The following NRXN3 variants were observed in gnomAD, a reference collection of about 807,000 sequenced individuals.
NRXN3 encodes neurexin 3, also known as neurexin III.
Under a neutral mutation model 137.6 loss-of-function variants are expected in NRXN3, and 32 were observed. That is an observed-to-expected ratio of 0.23 (90% confidence interval 0.18 to 0.31). The LOEUF (loss-of-function observed/expected upper bound fraction) is 0.31. Ranked by LOEUF, NRXN3 falls within the 10% of genes least tolerant of loss-of-function variation. The pLI is 1.00. For synonymous variants in NRXN3, 798 were observed against 784.5 expected (o/e 1.02, Z -0.29); for missense variants, 1,574 against 2,062.5 (o/e 0.76, Z 4.59).
chr14:79,782,203 A>G (rs1308823423), intron 19 of NRXN3, among the ~76,000 whole-genome samples: 3 of 152,218 alleles, frequency 2.0e-5, no homozygotes, highest in East Asian at 1.9e-4. Context: ...CAGGTTGACT[A>G]ATATTTAGAA....
At chr14:79,599,694 A>G (rs1171790297) in intron 16 of NRXN3, among the ~76,000 whole-genome samples, 1 of 152,184 alleles carries the variant, frequency 6.6e-6, no homozygotes, top group African/African-American at 2.4e-5. Context: ...GGTTGACTCT[A>G]ACAATAATTA....
intron 8 of NRXN3, among the ~76,000 whole-genome samples, chr14:78,723,794 ATTT>A (rs4016660): frequency 0.24 from 36,057 of 151,920 alleles, 4,617 homozygotes; most frequent in Middle Eastern, 0.37. Flanking sequence ...TTTTTACTCC[ATTT>A]TTTTTTTTCT....
chr14:78,634,165 C>T (rs2097547179), intron 4 of NRXN3, among the ~76,000 whole-genome samples: 6 of 152,352 alleles, frequency 3.9e-5, no homozygotes, highest in Middle Eastern at 3.4e-3. Flanking sequence ...AACAGATTAA[C>T]GTGTCTTCCA....
At chr14:79,850,976 G>A (rs538870231) in intron 20 of NRXN3, among the ~76,000 whole-genome samples, 5 of 152,106 alleles carry the variant, frequency 3.3e-5, no homozygotes, top group Non-Finnish European at 5.9e-5. Context: ...CTAAATTTTC[G>A]TATATTCAAT....
chr14:79,103,493 C>T (rs770622627), intron 15 of NRXN3, among the ~76,000 whole-genome samples: 4 of 152,012 alleles, frequency 2.6e-5, no homozygotes, highest in South Asian at 2.1e-4. Context: ...AAGTTTTAAG[C>T]GCCTGGTAGA....
At chr14:78,907,194 T>C (rs116587974) in intron 10 of NRXN3, among the ~76,000 whole-genome samples, 2,125 of 152,180 alleles carry the variant, frequency 0.014, 47 homozygotes, top group African/African-American at 0.048. Flanking sequence ...TTCTTACTTA[T>C]CATTATAGTC....
intron 15 of NRXN3, among the ~76,000 whole-genome samples, chr14:79,196,697 T>C (rs2065182271): frequency 6.6e-6 from 1 of 152,154 alleles, no homozygotes. Flanking sequence ...TTTAGTATAT[T>C]AGTTGGGTCT....
chr14:79,743,236 G>A (rs1168158286), intron 19 of NRXN3, among the ~76,000 whole-genome samples: 1 of 152,128 alleles, frequency 6.6e-6, no homozygotes, highest in African/African-American at 2.4e-5. Context: ...CATGCTAGAG[G>A]CCTGGCTCTG....
intron 19 of NRXN3, among the ~76,000 whole-genome samples, chr14:79,779,589 C>T (rs915914630): frequency 6.6e-6 from 1 of 152,158 alleles, no homozygotes; most frequent in African/African-American, 2.4e-5. Flanking sequence ...CACTGTAGCA[C>T]ATGATCAAAA....
At chr14:78,958,065 C>T (rs577004747) in intron 11 of NRXN3, among the ~76,000 whole-genome samples, 2 of 152,116 alleles carry the variant, frequency 1.3e-5, no homozygotes, top group African/African-American at 2.4e-5. Flanking sequence ...AAAATGGAAA[C>T]AGATGAGATT....
chr14:79,729,845 G>A (rs1417622661), intron 19 of NRXN3, among the ~76,000 whole-genome samples: 2 of 152,152 alleles, frequency 1.3e-5, no homozygotes, highest in African/African-American at 4.8e-5. Flanking sequence ...GCTCTAAGAA[G>A]CATTTTGTGG....
At chr14:78,546,610 T>C (rs146714379) in intron 4 of NRXN3, among the ~76,000 whole-genome samples, 1 of 152,346 alleles carries the variant, frequency 6.6e-6, no homozygotes, top group East Asian at 1.9e-4. Context: ...TTTTTAAATC[T>C]TTGTTTTCAT....
intron 10 of NRXN3, among the ~76,000 whole-genome samples, chr14:78,898,946 G>C (rs1224137386): frequency 6.6e-6 from 1 of 151,846 alleles, no homozygotes; most frequent in Non-Finnish European, 1.5e-5. Flanking sequence ...TCACGCTCTG[G>C]GTTCCATCAT....
chr14:79,807,508 G>A (rs2099212704), intron 20 of NRXN3, among the ~76,000 whole-genome samples: 1 of 152,164 alleles, frequency 6.6e-6, no homozygotes, highest in South Asian at 2.1e-4. Context: ...GACTTGAATA[G>A]CGTAAACCTG....
At chr14:79,384,209 G>A (rs113227384) in intron 15 of NRXN3, among the ~76,000 whole-genome samples, 3 of 152,072 alleles carry the variant, frequency 2.0e-5, no homozygotes, top group Non-Finnish European at 2.9e-5. Context: ...TTAATCATCT[G>A]CCCTTTAAGA....
chr14:78,177,729 C>T (rs1223409146), intron 1 of NRXN3: 1 of 152,166 alleles, frequency 6.6e-6, no homozygotes, highest in East Asian at 1.9e-4. Context: ...AGCCTTTCCC[C>T]AGCTCTACTT....
intron 8 of NRXN3, among the ~76,000 whole-genome samples, chr14:78,715,513 A>G (rs1475208911): frequency 2.0e-5 from 3 of 152,210 alleles, no homozygotes; most frequent in Admixed American, 6.5e-5. Flanking sequence ...CTCCTGGGTT[A>G]GGCTTTAGAA....
At chr14:78,291,276 G>A (rs535143922) in intron 3 of NRXN3, among the ~76,000 whole-genome samples, 3 of 152,250 alleles carry the variant, frequency 2.0e-5, no homozygotes, top group South Asian at 2.1e-4. Context: ...GTTTTCTCAC[G>A]TGTAAAATTA....
chr14:78,467,289 A>G (rs112609619), intron 4 of NRXN3, among the ~76,000 whole-genome samples: 2,036 of 152,334 alleles, frequency 0.013, 37 homozygotes, highest in African/African-American at 0.046. Context: ...TGTTTCTATT[A>G]TAATGTTAAA....
Sources: gnomAD v4.1 joint callset for allele counts (sites outside exome capture counted in the v4.1 genomes callset) on GRCh38, gnomAD v4.1.1 for gene constraint, MANE v1.5 for transcripts, NCBI Gene and HGNC (gene_info 2026-07-23, HGNC 2026-07-21) for gene names.